The following CACNA1C variants were observed in gnomAD, a reference collection of about 807,000 sequenced individuals.
CACNA1C encodes voltage-dependent L-type calcium channel subunit alpha-1C.
A neutral mutation model predicts 229.0 loss-of-function variants in CACNA1C; 30 were observed. That is an observed-to-expected ratio of 0.13 (90% CI 0.10 to 0.18). The LOEUF is 0.18. CACNA1C is among the 10% of genes least tolerant of loss of function. The probability of loss-of-function intolerance (pLI) is 1.00; values close to 1 mark genes in which losing one functional copy is unlikely to be tolerated. For synonymous variants in CACNA1C, 1,114 were observed against 1,132.5 expected (o/e 0.98, Z 0.33); for missense variants, 1,658 against 2,845.0 (o/e 0.58, Z 9.49).
At chr12:2,284,388 G>A (rs2092263905) in intron 3 of CACNA1C, among the ~76,000 whole-genome samples, 1 of 151,156 alleles carries the variant, frequency 6.6e-6, no homozygotes, top group Non-Finnish European at 1.5e-5. Context: ...AGTTACACAA[G>A]CGGCTGCTGC....
At chr12:2,198,212 C>T (rs779736882) in intron 3 of CACNA1C, among the ~76,000 whole-genome samples, 3 of 152,196 alleles carry the variant, frequency 2.0e-5, no homozygotes, top group Non-Finnish European at 2.9e-5. Context: ...TTTGTGCCTT[C>T]GTCCTTTAAG....
intron 5 of CACNA1C, among the ~76,000 whole-genome samples, chr12:2,478,873 G>A (rs1035203713): frequency 2.0e-5 from 3 of 152,218 alleles, no homozygotes; most frequent in Non-Finnish European, 2.9e-5. Context: ...AGATGCACAA[G>A]TGAATGATGG....
chr12:2,449,922 C>T (rs1008140859), intron 4 of CACNA1C, among the ~76,000 whole-genome samples: 21 of 152,120 alleles, frequency 1.4e-4, no homozygotes, highest in African/African-American at 5.1e-4. Context: ...TGTACAGAGG[C>T]CTCTTCCCCA....
chr12:2,157,798 G>A (rs2154238000), intron 3 of CACNA1C, among the ~76,000 whole-genome samples: 1 of 152,146 alleles, frequency 6.6e-6, no homozygotes, highest in East Asian at 1.9e-4. Context: ...ACAAGCAAAG[G>A]ATGCCTATTT....
chr12:2,552,381 G>T (rs1043338031), intron 10 of CACNA1C, among the ~76,000 whole-genome samples: 4 of 152,202 alleles, frequency 2.6e-5, no homozygotes, highest in South Asian at 2.1e-4. Context: ...AATAACAAAG[G>T]TTTCTAATTT....
chr12:2,446,995 A>G (rs1343284390), intron 3 of CACNA1C, among the ~76,000 whole-genome samples: 1 of 152,102 alleles, frequency 6.6e-6, no homozygotes, highest in African/African-American at 2.4e-5. Context: ...TTTCTTTCCC[A>G]TCTCAGCTTC....
At chr12:2,684,355 A>T (rs1187261820) in intron 43 of CACNA1C, among the ~76,000 whole-genome samples, 1 of 152,210 alleles carries the variant, frequency 6.6e-6, no homozygotes, top group Non-Finnish European at 1.5e-5. Context: ...ACTCAGTGAA[A>T]CACGGTCAAT....
chr12:2,247,543 G>A (rs1419194494), intron 3 of CACNA1C, among the ~76,000 whole-genome samples: 1 of 152,150 alleles, frequency 6.6e-6, no homozygotes, highest in African/African-American at 2.4e-5. Flanking sequence ...CATCCGCCTG[G>A]TGGGCACTTT....
chr12:2,451,531 G>C (rs963102009), intron 4 of CACNA1C, among the ~76,000 whole-genome samples: 6 of 152,184 alleles, frequency 3.9e-5, no homozygotes, highest in African/African-American at 1.4e-4. Flanking sequence ...TCATGAGTCG[G>C]GGGAGCAGAG....
rs1003479866 is a variant in CACNA1C at position 2,602,230 on chromosome 12, G to A, written c.2960+270G>A. Among the ~76,000 whole-genome samples, 14 of 152,166 alleles carry A rather than the reference G, an allele frequency of 9.2e-5. No homozygotes were observed. The highest frequency in any genetic ancestry group is 7.9e-4 in the Admixed American group (12 of 15,276). On this transcript the variant is annotated intron_variant, in intron 22 of 46. Coordinates refer to ENST00000399655, the MANE Select transcript of CACNA1C (RefSeq NM_000719.7). This position sits in a 1 kb window ranked among gnomAD's most constrained non-coding sequence, Gnocchi z 4.4. ...GGCCAGGCTCAGCTATTAAGAAACG[G>A]TTGTCTCCAGGACCTTCCTGCCTCC...
chr12:2,148,584 G>A (rs1476873658), intron 3 of CACNA1C, among the ~76,000 whole-genome samples: 1 of 151,194 alleles, frequency 6.6e-6, no homozygotes, highest in Admixed American at 6.6e-5. Flanking sequence ...GTCTCACTCT[G>A]TCTCCCAGGC....
rs757018778 is a variant in CACNA1C at position 2,448,938 on chromosome 12, T to A, written c.478-38T>A. The A allele has an allele frequency of 5.1e-6, 8 of 1,566,498 alleles. No homozygotes were observed. In the South Asian group the frequency reaches 8.0e-5, roughly 16 times the overall value. The stretch of plus-strand genomic sequence containing the variant: ...CAAACTTTCCAAATCCCCAAACCAA[T>A]GACTTATTTTTCTCTCTTTTCTATT... On this transcript the variant is annotated intron_variant, in intron 3 of 46. Coordinates refer to ENST00000399655, the MANE Select transcript of CACNA1C (RefSeq NM_000719.7).
At chr12:2,255,535 C>G (rs2077118244) in intron 3 of CACNA1C, among the ~76,000 whole-genome samples, 1 of 152,188 alleles carries the variant, frequency 6.6e-6, no homozygotes, top group Non-Finnish European at 1.5e-5. Flanking sequence ...GGAGGTCGGC[C>G]TCTTCAATTA....
intron 4 of CACNA1C, among the ~76,000 whole-genome samples, chr12:2,454,441 G>A (rs143504898): frequency 4.1e-4 from 63 of 152,050 alleles, no homozygotes; most frequent in East Asian, 1.7e-3. Context: ...TCGTCCCACC[G>A]CACTCTTCAT....
Position 2,546,427 on chromosome 12 carries a change from C to T in CACNA1C, c.1391-3516C>T, listed in dbSNP as rs542720169. Among the ~76,000 whole-genome samples the T allele has an allele frequency of 2.3e-4, 35 of 152,344 alleles. No homozygotes were observed. The South Asian group carries it at 7.0e-3, about 31-fold the overall frequency. On this transcript the variant is annotated intron_variant, in intron 9 of 46. Transcript: ENST00000399655. ...CACTATTCCCTGCAGTAGCTGATGT[C>T]TTCACACTATTCTGTGCAGTTGCTG...
chr12:2,129,928 A>C (rs1029702984), intron 3 of CACNA1C, among the ~76,000 whole-genome samples: 1 of 152,194 alleles, frequency 6.6e-6, no homozygotes, highest in Admixed American at 6.5e-5. Flanking sequence ...ATAGATCCTG[A>C]TTGAGGACCT....
chr12:2,472,075 T>G (rs1213569794), intron 5 of CACNA1C, among the ~76,000 whole-genome samples: 2 of 152,256 alleles, frequency 1.3e-5, no homozygotes, highest in Non-Finnish European at 2.9e-5. Flanking sequence ...TTGACTATGA[T>G]GTGCATCATT....
At chr12:2,169,819 A>G (rs114415154) in intron 3 of CACNA1C, among the ~76,000 whole-genome samples, 204 of 152,258 alleles carry the variant, frequency 1.3e-3, no homozygotes, top group African/African-American at 4.6e-3. Flanking sequence ...TGTAACTCAT[A>G]TGTGTTACAG....
At chr12:2,311,553 C>G (rs180934642) in intron 3 of CACNA1C, among the ~76,000 whole-genome samples, 62 of 152,324 alleles carry the variant, frequency 4.1e-4, no homozygotes, top group African/African-American at 1.4e-3. Context: ...AAGCCATCCT[C>G]TCTCGCACAG....
Sources: gnomAD v4.1 joint callset for allele counts (sites outside exome capture counted in the v4.1 genomes callset) on GRCh38, gnomAD v4.1.1 for gene constraint, Gnocchi (gnomAD v3.1) non-coding constraint, MANE v1.5 for transcripts, NCBI Gene and HGNC (gene_info 2026-07-23, HGNC 2026-07-21) for gene names.